RIMBP2: variants seen among roughly 807,000 people sequenced by gnomAD.
The protein encoded by RIMBP2 is RIMS-binding protein 2.
In RIMBP2, 48 loss-of-function variants were observed where a neutral mutation model predicts 118.6. The ratio of observed to expected loss-of-function variants is 0.40; its 90% CI spans 0.32 to 0.51. The LOEUF (loss-of-function observed/expected upper bound fraction) is 0.51. RIMBP2 is among the 20% of genes least tolerant of loss of function. The pLI is 0.41. For missense variants in RIMBP2, 1,551 were observed against 1,768.3 expected (o/e 0.88, Z 2.20); for synonymous variants, 762 against 742.9 (o/e 1.03, Z -0.42).
intron 2 of RIMBP2, among the ~76,000 whole-genome samples, chr12:130,552,054 G>A (rs1490457137): frequency 6.6e-6 from 1 of 152,156 alleles, no homozygotes; most frequent in African/African-American, 2.4e-5. Flanking sequence ...TTAGATAATG[G>A]GTTGCTTGGG....
In RIMBP2 at chr12:130,535,728, CATATATATACATAT is replaced by C. The variant is rs1272838082; in HGVS notation, c.-216-17825_-216-17812del. ...ACACATATACATATACATATATATA[CATATATATACATAT>C]ATATATATATATATATATATATATA... On this transcript the variant is annotated intron_variant, in intron 2 of 22. Transcript: ENST00000690449. 2.6e-3 allele frequency among the ~76,000 whole-genome samples: 328 copies of C among 128,014 alleles called. 2 individuals are homozygous for C. Among genetic ancestry groups the C allele is most frequent in the South Asian group, 7.6e-3 (29 of 3,832 alleles). 84.0% of individuals were successfully genotyped at this position (128,014 alleles called of 152,430 possible). A position where few individuals can be genotyped will look rare whatever the true frequency, so the allele number is the denominator to read the frequency against.
At chr12:130,460,742 T>C (rs1415710003) in intron 6 of RIMBP2, among the ~76,000 whole-genome samples, 1 of 152,154 alleles carries the variant, frequency 6.6e-6, no homozygotes, top group Non-Finnish European at 1.5e-5. Context: ...AGCCAGCCAC[T>C]GTCCTTGCTT....
chr12:130,448,865 G>A (rs1299020861), intron 9 of RIMBP2, among the ~76,000 whole-genome samples: 1 of 152,252 alleles, frequency 6.6e-6, no homozygotes, highest in East Asian at 1.9e-4. Flanking sequence ...GGTGGAACTG[G>A]TGTATTACCA....
At chr12:130,582,237 AT>A (rs1051332936) in intron 2 of RIMBP2, among the ~76,000 whole-genome samples, 3 of 151,938 alleles carry the variant, frequency 2.0e-5, no homozygotes, top group Non-Finnish European at 2.9e-5. Flanking sequence ...AGGGGCAGGG[AT>A]TTTTTTTAAT....
At chr12:130,714,741 G>A (rs978589664) in intron 1 of RIMBP2, among the ~76,000 whole-genome samples, 1 of 152,030 alleles carries the variant, frequency 6.6e-6, no homozygotes, top group Admixed American at 6.5e-5. Flanking sequence ...CCCTCACACC[G>A]TGCCCCCAGG....
rs1566001917 is a variant in RIMBP2, at chr12:130,419,397, A to AT, written c.3238+3055dup. ...GTGGGCTCCCAAATCCACTGGTGCC[A>AT]TAAGAATAAGCACCGTCTTCTACAG... On this transcript the variant is annotated intron_variant, in intron 17 of 22. Transcript: ENST00000690449. The surrounding 1 kb of genome is among the most constrained non-coding windows in gnomAD (Gnocchi z 4.3). The AT allele has an allele frequency of 6.6e-6, 1 of 152,254 alleles. No homozygotes were observed. Among genetic ancestry groups the AT allele is most frequent in the East Asian group, 1.9e-4 (1 of 5,194 alleles). 9.4% of individuals were successfully genotyped at this position (152,254 alleles called of 1,614,324 possible).
chr12:130,537,959 G>A (rs1283867677), intron 2 of RIMBP2, among the ~76,000 whole-genome samples: 1 of 152,182 alleles, frequency 6.6e-6, no homozygotes, highest in Non-Finnish European at 1.5e-5. Context: ...TGGAAGGATA[G>A]AATTGTCAAC....
At chr12:130,664,415 A>ACGCACGCACACACGCACACGCACG (rs1195044326) in intron 1 of RIMBP2, among the ~76,000 whole-genome samples, 1 of 130,496 alleles carries the variant, frequency 7.7e-6, no homozygotes, top group African/African-American at 2.8e-5. Context: ...ACGCACGCAC[A>ACGCACGCACACACGCACACGCACG]CACACGCACA....
At chr12:130,664,403 G>GCGCGCACGCA (rs2063792785) in intron 1 of RIMBP2, among the ~76,000 whole-genome samples, 9 of 61,734 alleles carry the variant, frequency 1.5e-4, no homozygotes, top group African/African-American at 4.1e-4. Flanking sequence ...ACACACGCAC[G>GCGCGCACGCA]CACGCACGCA....
At chr12:130,425,044 C>G in intron 15 of RIMBP2, 186 bp from the exon 16 acceptor site, 1 of 400,000 alleles carries the variant, frequency 2.5e-6, no homozygotes, top group Non-Finnish European at 4.3e-6. Flanking sequence ...GAATGGGTTA[C>G]GGGGCTGGGG....
intron 1 of RIMBP2, among the ~76,000 whole-genome samples, chr12:130,679,682 T>C (rs915735003): frequency 2.0e-5 from 3 of 152,262 alleles, no homozygotes; most frequent in Admixed American, 2.0e-4. Context: ...AAACAAACAC[T>C]CTGTACAAAA....
intron 2 of RIMBP2, among the ~76,000 whole-genome samples, chr12:130,590,199 G>T (rs538816291): frequency 6.6e-6 from 1 of 152,142 alleles, no homozygotes; most frequent in African/African-American, 2.4e-5. Context: ...CCCCAATGAG[G>T]GCTCTCAGCA....
chr12:130,603,800 C>T (rs554186467), intron 2 of RIMBP2, among the ~76,000 whole-genome samples: 5 of 152,280 alleles, frequency 3.3e-5, no homozygotes, highest in South Asian at 4.1e-4. Context: ...CCCACTGCAC[C>T]GCCAGTCCTA....
intron 2 of RIMBP2, among the ~76,000 whole-genome samples, chr12:130,538,617 G>A (rs1566224614): frequency 6.6e-6 from 1 of 152,126 alleles, no homozygotes; most frequent in Non-Finnish European, 1.5e-5. Context: ...TTCAGCTCTT[G>A]AACCTCTGAG....
chr12:130,430,424 C>T (rs1243922352), intron 14 of RIMBP2: 1 of 152,180 alleles, frequency 6.6e-6, no homozygotes, highest in South Asian at 2.1e-4. Flanking sequence ...TTTGGATCAT[C>T]ACTATAGCAA....
chr12:130,632,147 C>G (rs2062030652), intron 1 of RIMBP2, among the ~76,000 whole-genome samples: 2 of 152,244 alleles, frequency 1.3e-5, no homozygotes, highest in Admixed American at 1.3e-4. Flanking sequence ...ACGTTTCTAA[C>G]CAGATCAGAT....
rs1443180909 is a variant in RIMBP2 at position 130,656,639 on chromosome 12, G to A, written c.-351-28183C>T. ...TCCTCCGCTTGTGAGCGACCTCCCC[G>A]CGTCTTCACACCGTCTTCCCTCCAC... On this transcript the variant is annotated intron_variant, in intron 1 of 22. Transcript: ENST00000690449. 2.6e-5 allele frequency among the ~76,000 whole-genome samples: 4 copies of A among 152,060 alleles called. No individual in the cohort carries two copies. In the South Asian group the frequency reaches 6.2e-4, roughly 24 times the overall value.
intron 6 of RIMBP2, among the ~76,000 whole-genome samples, chr12:130,464,150 C>G (rs1231362167): frequency 1.3e-5 from 2 of 152,146 alleles, no homozygotes; most frequent in African/African-American, 4.8e-5. Flanking sequence ...ACGAATAGCC[C>G]ACACTGCTGC....
At chr12:130,524,171 G>C (rs886316931) in intron 2 of RIMBP2, among the ~76,000 whole-genome samples, 6 of 152,222 alleles carry the variant, frequency 3.9e-5, no homozygotes, top group Non-Finnish European at 8.8e-5. Context: ...TCCTCAGTGA[G>C]AGTGGACATG....
Sources: gnomAD v4.1 joint callset for allele counts (sites outside exome capture counted in the v4.1 genomes callset) on GRCh38, gnomAD v4.1.1 for gene constraint, Gnocchi (gnomAD v3.1) non-coding constraint, MANE v1.5 for transcripts, NCBI Gene and HGNC (gene_info 2026-07-23, HGNC 2026-07-21) for gene names.